Variants in FBXL13 observed in about 807,000 individuals in gnomAD.
FBXL13 encodes the protein F-box and leucine-rich repeat protein 13.
Under a neutral mutation model 83.6 loss-of-function variants are expected in FBXL13, and 67 were observed. The ratio of observed to expected loss-of-function variants is 0.80; its 90% confidence interval spans 0.66 to 0.98. The LOEUF (loss-of-function observed/expected upper bound fraction) is 0.98, where lower values mean the gene tolerates loss of function less well. Among genes scored for constraint, FBXL13 ranks in the 50% least tolerant of loss-of-function variants. The pLI is 0.00. For missense variants in FBXL13, 822 were observed against 866.5 expected, an observed-to-expected ratio of 0.95 and a Z score of 0.64; for synonymous variants, 272 against 299.5, an observed-to-expected ratio of 0.91 and a Z score of 0.95.
chr7:103,022,351 GGATAGC>G, intron 6 of FBXL13, among the ~76,000 whole-genome samples: 1 of 151,678 alleles, frequency 6.6e-6, no homozygotes, highest in South Asian at 2.1e-4. Context: ...GAGGGGTGAG[GGATAGC>G]ATTAGGAGAT....
At chr7:102,942,174 A>G in intron 8 of FBXL13, 1 of 690,494 alleles carries the variant, frequency 1.4e-6, no homozygotes, top group East Asian at 2.7e-5. Flanking sequence ...CTGAGCACCT[A>G]CCAAATGCCA....
chr7:102,912,636 T>C (rs10046544), intron 11 of FBXL13, among the ~76,000 whole-genome samples: 101 of 151,556 alleles, frequency 6.7e-4, no homozygotes, highest in African/African-American at 2.4e-3. Flanking sequence ...GTTTTTGTTG[T>C]ATTTTCTTTT....
At chr7:103,069,327 C>T (rs1419217151) in intron 1 of FBXL13, among the ~76,000 whole-genome samples, 2 of 152,216 alleles carry the variant, frequency 1.3e-5, no homozygotes, top group African/African-American at 2.4e-5. Context: ...GTGCAACCCT[C>T]GAAGTGTGAA....
intron 7 of FBXL13, among the ~76,000 whole-genome samples, chr7:102,966,771 A>G (rs1209995936): frequency 6.6e-6 from 1 of 152,236 alleles, no homozygotes; most frequent in East Asian, 1.9e-4. Flanking sequence ...TTTTTAGCAC[A>G]AACAATAACT....
At chr7:102,965,656 T>A (rs1213236852) in intron 7 of FBXL13, among the ~76,000 whole-genome samples, 5 of 152,218 alleles carry the variant, frequency 3.3e-5, no homozygotes, top group Admixed American at 3.3e-4. Context: ...CACAGTACTA[T>A]TTTTTAACCT....
chr7:102,952,937 T>C (rs928447303), intron 8 of FBXL13, among the ~76,000 whole-genome samples: 4 of 152,022 alleles, frequency 2.6e-5, no homozygotes, highest in South Asian at 2.1e-4. Context: ...TGAGCCAAGA[T>C]TGCACCACTG....
At chr7:102,851,774 T>A (rs995069222) in intron 17 of FBXL13, among the ~76,000 whole-genome samples, 3 of 152,150 alleles carry the variant, frequency 2.0e-5, no homozygotes, top group African/African-American at 4.8e-5. Flanking sequence ...CATATTGATA[T>A]GCTTGAAGTG....
At chr7:102,981,142 T>C (rs1401064974) in intron 6 of FBXL13, among the ~76,000 whole-genome samples, 1 of 152,140 alleles carries the variant, frequency 6.6e-6, no homozygotes, top group Non-Finnish European at 1.5e-5. Context: ...ACTATTGTAA[T>C]TAGTCCTATG....
At chr7:102,836,342 T>C (rs948874936) in intron 17 of FBXL13, among the ~76,000 whole-genome samples, 1 of 152,216 alleles carries the variant, frequency 6.6e-6, no homozygotes, top group Non-Finnish European at 1.5e-5. Context: ...TTTCCTCTCT[T>C]AGAATTCGTG....
intron 1 of FBXL13, among the ~76,000 whole-genome samples, chr7:103,071,974 G>C (rs1799002841): frequency 6.6e-6 from 1 of 152,036 alleles, no homozygotes; most frequent in South Asian, 2.1e-4. Flanking sequence ...CCTGAGGTTA[G>C]GAGTTCGAGA....
intron 17 of FBXL13, among the ~76,000 whole-genome samples, chr7:102,847,952 T>C (rs1400738283): frequency 6.6e-6 from 1 of 152,224 alleles, no homozygotes; most frequent in Non-Finnish European, 1.5e-5. Context: ...CATATACACA[T>C]TGACATATGT....
intron 16 of FBXL13, among the ~76,000 whole-genome samples, chr7:102,868,875 C>T (rs1362422429): frequency 3.3e-5 from 5 of 152,190 alleles, no homozygotes; most frequent in African/African-American, 9.7e-5. Context: ...GCCATGTTGG[C>T]CAGGCTGGCC....
chr7:103,027,270 T>C (rs1454830587), intron 5 of FBXL13, among the ~76,000 whole-genome samples, 179 bp downstream of exon 6: 4 of 152,012 alleles, frequency 2.6e-5, no homozygotes, highest in Non-Finnish European at 4.4e-5. Flanking sequence ...CACTCCAGCC[T>C]GGACAACAAG....
At chr7:102,963,007 A>AT (rs1491576594) in intron 8 of FBXL13, among the ~76,000 whole-genome samples, 108 of 122,322 alleles carry the variant, frequency 8.8e-4, no homozygotes, top group African/African-American at 4.2e-3. Context: ...ATATATATAT[A>AT]AAAAAAAAAA....
intron 8 of FBXL13, chr7:102,944,810 C>G (rs1042092821): frequency 6.1e-5 from 31 of 507,110 alleles, no homozygotes; most frequent in African/African-American, 6.1e-4. Flanking sequence ...ATTTGTGGAA[C>G]AGCATCTGGT....
intron 2 of FBXL13, chr7:103,046,969 T>C (rs1272921029): frequency 6.6e-6 from 1 of 152,260 alleles, no homozygotes; most frequent in East Asian, 1.9e-4. Flanking sequence ...CTTTAGGTTC[T>C]AGACTGTGAA....
intron 16 of FBXL13, among the ~76,000 whole-genome samples, chr7:102,862,356 G>T (rs1371421094): frequency 1.3e-5 from 2 of 150,968 alleles, no homozygotes; most frequent in African/African-American, 4.9e-5. Context: ...GAAAAGAAAT[G>T]GACGTTTTGG....
At chr7:102,981,469 C>T (rs1828222865) in intron 6 of FBXL13, among the ~76,000 whole-genome samples, 1 of 152,132 alleles carries the variant, frequency 6.6e-6, no homozygotes, top group Non-Finnish European at 1.5e-5. Context: ...CAGACTTGTT[C>T]TCAAAGAAGA....
chr7:103,013,621 AC>A (rs1687845958), intron 6 of FBXL13, among the ~76,000 whole-genome samples: 1 of 152,194 alleles, frequency 6.6e-6, no homozygotes. Context: ...AATTTCTGGG[AC>A]ACGGCCAAAG....
Sources: allele counts gnomAD v4.1 joint callset (sites outside exome capture counted in the v4.1 genomes callset), GRCh38; gene constraint gnomAD v4.1.1; transcripts MANE v1.5; gene names NCBI Gene and HGNC (gene_info 2026-07-23, HGNC 2026-07-21).